CELSR1: variants seen among roughly 807,000 people sequenced by gnomAD.
The protein encoded by CELSR1 is cadherin EGF LAG seven-pass G-type receptor 1.
In CELSR1, 110 loss-of-function variants were observed where a neutral mutation model predicts 249.1. The observed-to-expected ratio is 0.44, with a 90% CI of 0.38 to 0.52. The LOEUF (loss-of-function observed/expected upper bound fraction) is 0.52, where lower values mean the gene tolerates loss of function less well. CELSR1 is among the 20% of genes least tolerant of loss of function. The pLI, the probability that CELSR1 is intolerant of heterozygous loss-of-function variation, is 0.00. For missense variants in CELSR1, 4,109 were observed against 4,296.4 expected, an observed-to-expected ratio of 0.96 and a Z score of 1.22; for synonymous variants, 2,113 against 1,900.0, an observed-to-expected ratio of 1.11 and a Z score of -2.92.
rs530329732 is a variant in CELSR1, at chr22:46,394,258, C to T, written c.5848G>A (p.Asp1950Asn). Reference sequence around the variant, plus strand: ...CACCAGCCTCTGGGGCACGGAAGGTCGAGTCTGTGGGGAAAATAAGAGGGC... The same window carrying T: ...CACCAGCCTCTGGGGCACGGAAGGTTGAGTCTGTGGGGAAAATAAGAGGGC... ...HYGPYCENKL[D>N]LPCPRGWWGN... Residue 1950 changes from aspartate (D) to asparagine (N), a missense_variant, in exon 14 of 35, where the codon GAC becomes AAC. Asp to Asn is a conservative substitution (Grantham distance 23). This residue lies in a region of CELSR1 where 1,805 missense variants were observed against 1,831.6 expected (regional missense o/e 0.99). Transcript: ENST00000674500. 21 of 1,612,528 alleles carry T rather than the reference C, an allele frequency of 1.3e-5. No individual in the cohort carries two copies. The highest frequency in any genetic ancestry group is 5.0e-5 in the Admixed American group (3 of 59,872).
rs951471280 is a variant in CELSR1 at position 46,441,091 on chromosome 22, T to C, written c.4184-1680A>G. ...CTGCTTCAACCCGGGAGGCGGAGGT[T>C]GTAGCGAGCCGAGGTCACACTACCG... On this transcript the variant is annotated intron_variant, in intron 2 of 34. Transcript: ENST00000674500. This position sits in a 1 kb window ranked among gnomAD's most constrained non-coding sequence, Gnocchi z 6.1. Among the ~76,000 whole-genome samples the C allele has an allele frequency of 2.2e-4, 33 of 151,032 alleles. No individual in the cohort carries two copies. Among genetic ancestry groups the C allele is most frequent in the African/African-American group, 7.8e-4 (32 of 41,102 alleles).
At chr22:46,376,951 G>A (rs2078925068) in intron 24 of CELSR1, 110 bp downstream of exon 24, 5 of 1,050,040 alleles carry the variant, frequency 4.8e-6, no homozygotes, top group South Asian at 4.2e-5. Flanking sequence ...AGCAGAGGTG[G>A]GGGTGGTGAG....
At chr22:46,431,113 T>A (rs554670737) in intron 5 of CELSR1, among the ~76,000 whole-genome samples, 2 of 152,338 alleles carry the variant, frequency 1.3e-5, no homozygotes, top group African/African-American at 2.4e-5. Flanking sequence ...ACGGAAGCCA[T>A]GGATCCCGGT....
Position 46,363,508 on chromosome 22 carries a change from T to C in CELSR1, c.9036-261A>G. The C allele has an allele frequency of 2.4e-6, 1 of 417,456 alleles. No individual in the cohort carries two copies. Among genetic ancestry groups the C allele is most frequent in the Non-Finnish European group, 4.4e-6 (1 of 227,856 alleles). 25.9% of individuals were successfully genotyped at this position (417,456 alleles called of 1,614,324 possible). On this transcript the variant is annotated intron_variant, in intron 34 of 34. Coordinates refer to ENST00000674500, the MANE Select transcript of CELSR1 (RefSeq NM_001378328.1). The surrounding 1 kb of genome is among the most constrained non-coding windows in gnomAD (Gnocchi z 4.3). Reference sequence around the variant, plus strand: ...ATCCACGTTAGAAACCGGCCATCTCTACAGTGACTTTTGGAAGGGGCATTC... The same window carrying C: ...ATCCACGTTAGAAACCGGCCATCTCCACAGTGACTTTTGGAAGGGGCATTC...
At chr22:46,522,393 G>A (rs767724512) in intron 1 of CELSR1, among the ~76,000 whole-genome samples, 3 of 152,108 alleles carry the variant, frequency 2.0e-5, no homozygotes, top group Non-Finnish European at 4.4e-5. Flanking sequence ...TTATAGGCTG[G>A]AGCCCCCACG....
intron 2 of CELSR1, among the ~76,000 whole-genome samples, chr22:46,462,144 T>C (rs543621296): frequency 1.3e-5 from 2 of 152,254 alleles, no homozygotes; most frequent in African/African-American, 4.8e-5. Flanking sequence ...CGAGCCCCGG[T>C]ATAGCCAGGA....
At position 46,433,579 on chromosome 22, in the gene CELSR1, C is replaced by T. The variant is rs1273773344; in HGVS notation, c.4523-98G>A. On this transcript the variant is annotated intron_variant, in intron 4 of 34. Coordinates refer to ENST00000674500, the MANE Select transcript of CELSR1 (RefSeq NM_001378328.1). The surrounding 1 kb of genome is among the most constrained non-coding windows in gnomAD (Gnocchi z 5.7). ...GTGAGGCATCAGGGGGAGACAGGTG[C>T]ACATGGCCACGTCCTCCCTCCCCTC... 6 of 843,504 alleles carry T rather than the reference C, an allele frequency of 7.1e-6. No homozygotes were observed. The highest frequency in any genetic ancestry group is 2.2e-4 in the Middle Eastern group (1 of 4,520). The allele number at this position is 843,504 out of a possible 1,614,324, so 52.3% of individuals were successfully genotyped here.
At chr22:46,444,548 AC>A (rs920325336) in intron 2 of CELSR1, among the ~76,000 whole-genome samples, 79 of 152,226 alleles carry the variant, frequency 5.2e-4, no homozygotes, top group African/African-American at 1.9e-3. Context: ...GGCAAATAAA[AC>A]TAATCTCCAT....
rs557635125 is a variant in CELSR1, at chr22:46,384,675, C to T, written c.6751G>A (p.Asp2251Asn). 8.1e-6 allele frequency: 13 copies of T among 1,612,546 alleles called. No homozygotes were observed. The highest frequency in any genetic ancestry group is 2.2e-5 in the East Asian group (1 of 44,832). The change falls in exon 20 of 35, where the codon GAC becomes AAC. Residue 2251 changes from aspartate to asparagine, a missense_variant. Asp to Asn is a conservative substitution (Grantham distance 23). This residue lies in a region of CELSR1 where 1,805 missense variants were observed against 1,831.6 expected (regional missense o/e 0.99). Coordinates refer to ENST00000674500, the MANE Select transcript of CELSR1 (RefSeq NM_001378328.1). Reference sequence around the variant, plus strand: ...GTAAAGTTGAACTTGTCAAAGATGTCGACAGCAAGAACTGGGGGGACAGTT... The same window carrying T: ...GTAAAGTTGAACTTGTCAAAGATGTTGACAGCAAGAACTGGGGGGACAGTT... Reference protein sequence around the residue: ...IVTANMILAVDIFDKFNFTGA... With the variant: ...IVTANMILAVNIFDKFNFTGA...
intron 2 of CELSR1, among the ~76,000 whole-genome samples, chr22:46,451,540 G>A (rs868586309): frequency 1.3e-5 from 2 of 152,178 alleles, no homozygotes; most frequent in Admixed American, 6.5e-5. Flanking sequence ...ATGTTTGACC[G>A]TCTTCTGGTG....
chr22:46,525,804 G>A (rs1040498822), intron 1 of CELSR1, among the ~76,000 whole-genome samples: 6 of 152,214 alleles, frequency 3.9e-5, no homozygotes, highest in African/African-American at 7.2e-5. Context: ...TTCTGCTATC[G>A]GGTTTCAAAA....
At chr22:46,510,142 T>C (rs1434723923) in intron 1 of CELSR1, among the ~76,000 whole-genome samples, 1 of 152,240 alleles carries the variant, frequency 6.6e-6, no homozygotes. Context: ...CGTGGCACCC[T>C]CTGCGTCTGT....
intron 1 of CELSR1, among the ~76,000 whole-genome samples, chr22:46,510,366 C>T (rs543889158): frequency 1.1e-3 from 165 of 152,132 alleles, no homozygotes; most frequent in African/African-American, 3.8e-3. Context: ...GAGGCTGGAA[C>T]GCACCCCCTT....
rs766710100 is a variant in CELSR1 at position 46,463,962 on chromosome 22, C to T, written c.3928G>A (p.Glu1310Lys). The change falls in exon 2 of 35, where the codon GAG (glutamate) becomes AAG (lysine). Residue 1310 changes from glutamate to lysine, a missense_variant. Physicochemically the swap from Glu to Lys is moderately conservative, Grantham distance 56 (BLOSUM62 1). Around this residue, in one of 7 missense-constraint regions of CELSR1, gnomAD observed 141 missense variants for 209.4 expected, o/e 0.67. Transcript: ENST00000674500. ...CACTTCATGTAGTTCTCGCAGGGCT[C>T]GCGCAGGCAGATGTTGTCGTCGAAG... ...LPFDDNICLR[E>K]PCENYMKCVS... 9 of 1,613,984 alleles carry T rather than the reference C, an allele frequency of 5.6e-6. No individual in the cohort carries two copies. The highest frequency in any genetic ancestry group is 1.7e-5 in the Admixed American group (1 of 60,024).
In CELSR1 at chr22:46,534,559, T is replaced by C. The variant is rs527796110; in HGVS notation, c.2612A>G (p.Gln871Arg). Residue 871 changes from glutamine to arginine, a missense_variant, in exon 1 of 35, where the codon CAG becomes CGG. Physicochemically the swap from Gln to Arg is conservative, Grantham distance 43. Transcript: ENST00000674500. The surrounding 1 kb of genome is among the most constrained non-coding windows in gnomAD (Gnocchi z 9.7). The part of the protein sequence containing the change: ...TIMAQDNGIP[Q>R]KSDTTTLEIL... ...CTCTAGGGTGGTGGTGTCTGATTTC[T>C]GCGGGATGCCGTTGTCCTGGGCCAT... 1.2e-6 allele frequency: 2 copies of C among 1,613,728 alleles called. No homozygotes were observed. Among genetic ancestry groups the C allele is most frequent in the African/African-American group, 1.3e-5 (1 of 75,052 alleles).
In CELSR1 at chr22:46,391,115, C is replaced by T; in HGVS notation, c.6250+71G>A. 8.0e-7 allele frequency: 1 copy of T among 1,250,490 alleles called. No homozygotes were observed. The highest frequency in any genetic ancestry group is 1.1e-6 in the Non-Finnish European group (1 of 870,788). 77.5% of individuals were successfully genotyped at this position (1,250,490 alleles called of 1,614,324 possible). ...TCAACACGAAACATTCCATGAGTCC[C>T]CACATCTCGACTGGCTCCTCCCACA... On this transcript the variant is annotated intron_variant, in intron 16 of 34. Transcript: ENST00000674500. This position sits in a 1 kb window ranked among gnomAD's most constrained non-coding sequence, Gnocchi z 4.3.
rs1038426051 is a variant in CELSR1, at chr22:46,488,404, G to A, written c.3545-24059C>T. Among the ~76,000 whole-genome samples the A allele has an allele frequency of 3.3e-5, 5 of 152,140 alleles. No homozygotes were observed. Among genetic ancestry groups the A allele is most frequent in the Admixed American group, 2.6e-4 (4 of 15,286 alleles). On this transcript the variant is annotated intron_variant, in intron 1 of 34. Coordinates refer to ENST00000674500, the MANE Select transcript of CELSR1 (RefSeq NM_001378328.1). This position sits in a 1 kb window ranked among gnomAD's most constrained non-coding sequence, Gnocchi z 4.7. ...GCTTCCCTGCTCGCCTACAGCCGGC[G>A]AGTGCAGCACAGGAGGCCACCGTAG...
chr22:46,417,123 A>AT lies in CELSR1; in HGVS notation c.4612-5365dup. On this transcript the variant is annotated intron_variant, in intron 5 of 34. Transcript: ENST00000674500. The surrounding 1 kb of genome is among the most constrained non-coding windows in gnomAD (Gnocchi z 4.1). ...GTCAAACTGCAGCGCTGAACGTTCC[A>AT]TGCTGTCATTTCTCAAGATGACAAA... Among the ~76,000 whole-genome samples, 1 of 152,266 alleles carries AT rather than the reference A, an allele frequency of 6.6e-6. No homozygotes were observed. The highest frequency in any genetic ancestry group is 2.0e-4 in the East Asian group (1 of 5,124).
chr22:46,407,646 A>G lies in CELSR1; in HGVS notation c.5226+1350T>C, dbSNP rs1258171157. On this transcript the variant is annotated intron_variant, in intron 9 of 34. Transcript: ENST00000674500. The surrounding 1 kb of genome is among the most constrained non-coding windows in gnomAD (Gnocchi z 4.8). ...AAACTTTATCTCAAAAAAACAAAAC[A>G]AAACAAAACAAAAAAAACCTAGGAT... 6.6e-6 allele frequency among the ~76,000 whole-genome samples: 1 copy of G among 152,066 alleles called. No homozygotes were observed. Among genetic ancestry groups the G allele is most frequent in the Non-Finnish European group, 1.5e-5 (1 of 68,006 alleles).
Sources: allele counts gnomAD v4.1 joint callset (sites outside exome capture counted in the v4.1 genomes callset), GRCh38; gene constraint gnomAD v4.1.1; regional missense constraint gnomAD v4.1.1; non-coding constraint Gnocchi (gnomAD v3.1); transcripts MANE v1.5; gene names NCBI Gene and HGNC (gene_info 2026-07-23, HGNC 2026-07-21).